The following ATF5 variants were observed in gnomAD, a reference collection of about 807,000 sequenced individuals.
The protein encoded by ATF5 is activating transcription factor 5.
In ATF5, 6 loss-of-function variants were observed where a neutral mutation model predicts 4.6. The observed-to-expected ratio is 1.31, with a 90% CI of 0.72 to 2.59. ATF5 has a LOEUF of 2.59. Among genes scored for constraint, ATF5 ranks in the 30% most tolerant of loss-of-function variants. The pLI, the probability that ATF5 is intolerant of heterozygous loss-of-function variation, is 0.00. For missense variants in ATF5, 410 were observed against 368.7 expected (o/e 1.11, Z -0.92); for synonymous variants, 193 against 165.0 (o/e 1.17, Z -1.30).
intron 2 of ATF5, 96 bp from the exon 3 acceptor site, chr19:49,932,326 G>T (rs889667170): frequency 8.3e-5 from 97 of 1,165,894 alleles, no homozygotes; most frequent in Non-Finnish European, 1.2e-4. Flanking sequence ...TGAATGAATG[G>T]GACAGATGCA....
In ATF5 at chr19:49,933,321, T is replaced by G; in HGVS notation, c.*229T>G. The G allele has an allele frequency of 9.1e-6, 4 of 440,222 alleles. No individual in the cohort carries two copies. Among genetic ancestry groups the G allele is most frequent in the East Asian group, 3.5e-5 (1 of 28,846 alleles). 27.3% of individuals were successfully genotyped at this position (440,222 alleles called of 1,614,324 possible). A position where few individuals can be genotyped will look rare whatever the true frequency, so the allele number is the denominator to read the frequency against. On this transcript the variant is annotated 3_prime_UTR_variant, in exon 3 of 3. Coordinates refer to ENST00000423777, the MANE Select transcript of ATF5 (RefSeq NM_001193646.2). ...ATTAAAAAAAAAAAATCAACCCTTC[T>G]TCCCCACCAAACCACCCAACTCCTC...
chr19:49,932,405 C>T lies in ATF5; in HGVS notation c.179-17C>T, dbSNP rs755046305. On this transcript the variant is annotated splice_polypyrimidine_tract_variant and intron_variant, in intron 2 of 2. Transcript: ENST00000423777. The stretch of plus-strand genomic sequence containing the variant: ...GCAACTCAGGGAATTTTGTGTCCCT[C>T]CCCACTTTAATCCCAGGTGATGGCT... 1.6e-5 allele frequency: 26 copies of T among 1,613,832 alleles called. No individual in the cohort carries two copies. In the South Asian group the frequency reaches 2.9e-4, roughly 18 times the overall value.
In ATF5 at chr19:49,932,592, C is replaced by A. The variant is rs1465735510; in HGVS notation, c.349C>A (p.Leu117Ile). ...GCTGGAACAGATGGAAGACTTCTTC[C>A]TAGATGCCCCGCCCCTCCCACCACC... The part of the protein sequence containing the change: ...KELEQMEDFF[L>I]DAPPLPPPSP... The change falls in exon 3 of 3, where the codon CTA becomes ATA. Residue 117 changes from leucine to isoleucine, a missense_variant. Physicochemically the swap from Leu to Ile is conservative, Grantham distance 5 (BLOSUM62 2). Transcript: ENST00000423777. 3 of 1,588,214 alleles carry A rather than the reference C, an allele frequency of 1.9e-6. No individual in the cohort carries two copies. In the East Asian group the frequency reaches 6.9e-5, roughly 36 times the overall value.
chr19:49,931,167 G>A, intron 2 of ATF5, 139 bp downstream of exon 2: 3 of 705,842 alleles, frequency 4.3e-6, no homozygotes, highest in East Asian at 3.0e-5. Context: ...ATACGGCTGG[G>A]AACAAGAAGA....
intron 2 of ATF5, among the ~76,000 whole-genome samples, chr19:49,932,161 T>G (rs2076069389): frequency 6.6e-6 from 1 of 152,140 alleles, no homozygotes; most frequent in South Asian, 2.1e-4. Context: ...CCTGATTGAT[T>G]GGTCGACTAG....
Position 49,932,932 on chromosome 19 carries a change from G to A in ATF5, c.689G>A (p.Arg230Gln), listed in dbSNP as rs763197570. The change falls in exon 3 of 3, where the codon CGG becomes CAG. Residue 230 changes from arginine to glutamine, a missense_variant. By Grantham distance (43) the Arg-to-Gln change is conservative. Transcript: ENST00000423777. Reference sequence around the variant, plus strand: ...GCTCTGAGGTACCGCCAGCGGAAGCGGGCAGAGGGTGAGGCCCTGGAGGGC... The same window carrying A: ...GCTCTGAGGTACCGCCAGCGGAAGCAGGCAGAGGGTGAGGCCCTGGAGGGC... ...SAALRYRQRK[R>Q]AEGEALEGEC... The A allele has an allele frequency of 3.0e-5, 49 of 1,613,824 alleles. No homozygotes were observed. The highest frequency in any genetic ancestry group is 6.7e-5 in the African/African-American group (5 of 74,896).
intron 2 of ATF5, among the ~76,000 whole-genome samples, chr19:49,932,196 T>TTGGTTGACTGGC (rs1555830660): frequency 6.6e-6 from 1 of 151,992 alleles, no homozygotes; most frequent in Non-Finnish European, 1.5e-5. Context: ...GGTTGGTTGG[T>TTGGTTGACTGGC]TGGTTGACTG....
chr19:49,932,417 C>A lies in ATF5; in HGVS notation c.179-5C>A. 6.2e-7 allele frequency: 1 copy of A among 1,614,056 alleles called. No individual in the cohort carries two copies. Among genetic ancestry groups the A allele is most frequent in the Non-Finnish European group, 8.5e-7 (1 of 1,179,982 alleles). ...ATTTTGTGTCCCTCCCCACTTTAAT[C>A]CCAGGTGATGGCTTCTCTGACTGGA... On this transcript the variant is annotated splice_region_variant and splice_polypyrimidine_tract_variant and intron_variant, in intron 2 of 2. Coordinates refer to ENST00000423777, the MANE Select transcript of ATF5 (RefSeq NM_001193646.2).
In ATF5 at chr19:49,933,430, A is replaced by G. The variant is rs201635494; in HGVS notation, c.*338A>G. On this transcript the variant is annotated 3_prime_UTR_variant, in exon 3 of 3. Transcript: ENST00000423777. ...ATCTCCTTCCCTCCTTTCTCGTCCAAATCATGAAATGTTTGGCCTTAGTCA... is the reference window on the plus strand; with the variant it reads ...ATCTCCTTCCCTCCTTTCTCGTCCAGATCATGAAATGTTTGGCCTTAGTCA... 1.2e-4 allele frequency: 27 copies of G among 220,900 alleles called. No homozygotes were observed. In the East Asian group the frequency reaches 2.4e-3, roughly 20 times the overall value. 13.7% of individuals were successfully genotyped at this position (220,900 alleles called of 1,614,324 possible). A position where few individuals can be genotyped will look rare whatever the true frequency, so the allele number is the denominator to read the frequency against.
Position 49,932,811 on chromosome 19 carries a change from T to TC in ATF5, c.569dup (p.Pro191SerfsTer44), listed in dbSNP as rs1568735180. Reference sequence around the variant, plus strand: ...CCCGCCACAGCAGCCCCCTCCTCCTTCTCCACCTCAACCTTCTCGCCTGGC... The same window carrying TC: ...CCCGCCACAGCAGCCCCCTCCTCCTTCCTCCACCTCAACCTTCTCGCCTGGC... On this transcript the variant is annotated frameshift_variant, in exon 3 of 3. Transcript: ENST00000423777. LOFTEE classifies it high-confidence loss of function. 1.2e-6 allele frequency: 2 copies of TC among 1,608,640 alleles called. No individual in the cohort carries two copies. Among genetic ancestry groups the TC allele is most frequent in the African/African-American group, 2.7e-5 (2 of 74,356 alleles).
At chr19:49,932,131 T>TTTGG (rs1476628436) in intron 2 of ATF5, among the ~76,000 whole-genome samples, 2 of 152,082 alleles carry the variant, frequency 1.3e-5, no homozygotes, top group African/African-American at 4.8e-5. Context: ...GACTGATTTA[T>TTTGG]TTGGTTGGTT....
chr19:49,928,924 A>T (rs1466358396), upstream of ATF5: 1 of 152,568 alleles, frequency 6.6e-6, no homozygotes, highest in Non-Finnish European at 1.5e-5. Flanking sequence ...AAAGAGAAAG[A>T]AACCAGAGCT....
At position 49,932,970 on chromosome 19, in the gene ATF5, C is replaced by CT; in HGVS notation, c.728dup (p.Glu244GlyfsTer38). 1.2e-6 allele frequency: 2 copies of CT among 1,614,058 alleles called. No individual in the cohort carries two copies. Among genetic ancestry groups the CT allele is most frequent in the Non-Finnish European group, 1.7e-6 (2 of 1,179,982 alleles). ...GGCCCTGGAGGGCGAGTGCCAGGGG[C>CT]TGGAGGCACGGAATCGCGAGCTGAA... On this transcript the variant is annotated frameshift_variant, in exon 3 of 3. Transcript: ENST00000423777. LOFTEE classifies it low-confidence loss of function (END_TRUNC).
chr19:49,931,692 G>A (rs1264258452), intron 2 of ATF5, among the ~76,000 whole-genome samples: 1 of 152,004 alleles, frequency 6.6e-6, no homozygotes, highest in Non-Finnish European at 1.5e-5. Context: ...AACACCCAAG[G>A]GAAGAGCATT....
chr19:49,932,969 G>T lies in ATF5; in HGVS notation c.726G>T (p.Gly242=). Residue 242 remains glycine, a synonymous_variant, in exon 3 of 3, where the codon GGG becomes GGT. Coordinates refer to ENST00000423777, the MANE Select transcript of ATF5 (RefSeq NM_001193646.2). ...AGGCCCTGGAGGGCGAGTGCCAGGGGCTGGAGGCACGGAATCGCGAGCTGA... is the reference window on the plus strand; with the variant it reads ...AGGCCCTGGAGGGCGAGTGCCAGGGTCTGGAGGCACGGAATCGCGAGCTGA... The part of the protein sequence containing the change: ...EGEALEGECQ[G]LEARNRELKE... The T allele has an allele frequency of 6.2e-7, 1 of 1,614,106 alleles. No individual in the cohort carries two copies. Among genetic ancestry groups the T allele is most frequent in the African/African-American group, 1.3e-5 (1 of 75,050 alleles).
chr19:49,932,947 C>A lies in ATF5; in HGVS notation c.704C>A (p.Ala235Asp), dbSNP rs2122850749. 6.2e-7 allele frequency: 1 copy of A among 1,613,966 alleles called. No homozygotes were observed. Among genetic ancestry groups the A allele is most frequent in the Non-Finnish European group, 8.5e-7 (1 of 1,179,936 alleles). The change falls in exon 3 of 3, where the codon GCC becomes GAC. Residue 235 changes from alanine to aspartate, a missense_variant. By Grantham distance (126) the Ala-to-Asp change is moderately radical. Coordinates refer to ENST00000423777, the MANE Select transcript of ATF5 (RefSeq NM_001193646.2). ...YRQRKRAEGE[A>D]LEGECQGLEA... ...CAGCGGAAGCGGGCAGAGGGTGAGG[C>A]CCTGGAGGGCGAGTGCCAGGGGCTG... is the stretch of plus-strand genomic sequence containing the variant.
In ATF5 at chr19:49,933,813, C is replaced by G. The variant is rs1193906255; in HGVS notation, c.*721C>G. 3.9e-5 allele frequency: 6 copies of G among 152,582 alleles called. No homozygotes were observed. Among genetic ancestry groups the G allele is most frequent in the African/African-American group, 1.5e-4 (6 of 41,282 alleles). 9.5% of individuals were successfully genotyped at this position (152,582 alleles called of 1,614,324 possible). A position where few individuals can be genotyped will look rare whatever the true frequency, so the allele number is the denominator to read the frequency against. The stretch of plus-strand genomic sequence containing the variant: ...TGGTGACTGGGTGTTCATTTTAGCT[C>G]TAAGAAAAAAAATCAGTGTTTCGTG... On this transcript the variant is annotated 3_prime_UTR_variant, in exon 3 of 3. Coordinates refer to ENST00000423777, the MANE Select transcript of ATF5 (RefSeq NM_001193646.2).
chr19:49,932,492 A>AAC lies in ATF5; in HGVS notation c.249_250insAC (p.Pro84ThrfsTer35). The stretch of plus-strand genomic sequence containing the variant: ...CTCTCCTCCCTCTGGAGCCTCCCTT[A>AAC]CCCCCCGGCACCCTCCCCCAACCTT... On this transcript the variant is annotated frameshift_variant, in exon 3 of 3. Transcript: ENST00000423777. LOFTEE classifies it low-confidence loss of function (END_TRUNC). The AAC allele has an allele frequency of 2.0e-6, 3 of 1,486,462 alleles. No homozygotes were observed. The highest frequency in any genetic ancestry group is 2.7e-6 in the Non-Finnish European group (3 of 1,092,104). 92.1% of individuals were successfully genotyped at this position (1,486,462 alleles called of 1,614,324 possible). A position where few individuals can be genotyped will look rare whatever the true frequency, so the allele number is the denominator to read the frequency against.
Position 49,932,591 on chromosome 19 carries a change from C to A in ATF5, c.348C>A (p.Phe116Leu). 1 of 1,563,316 alleles carries A rather than the reference C, an allele frequency of 6.4e-7. No homozygotes were observed. Among genetic ancestry groups the A allele is most frequent in the South Asian group, 1.1e-5 (1 of 87,252 alleles). The change falls in exon 3 of 3, where the codon TTC becomes TTA. Residue 116 changes from phenylalanine to leucine, a missense_variant. By Grantham distance (22) the Phe-to-Leu change is conservative. Transcript: ENST00000423777. The part of the protein sequence containing the change: ...KKELEQMEDF[F>L]LDAPPLPPPS... ...AGCTGGAACAGATGGAAGACTTCTT[C>A]CTAGATGCCCCGCCCCTCCCACCAC...
Sources: allele counts gnomAD v4.1 joint callset (sites outside exome capture counted in the v4.1 genomes callset), GRCh38; gene constraint gnomAD v4.1.1; transcripts MANE v1.5; gene names NCBI Gene and HGNC (gene_info 2026-07-23, HGNC 2026-07-21).